Variants in DLGAP2 observed in about 807,000 individuals in gnomAD.
The protein encoded by DLGAP2 is DLG associated protein 2, also known as disks large-associated protein 2.
Under a neutral mutation model 100.3 loss-of-function variants are expected in DLGAP2, and 26 were observed. That is an observed-to-expected ratio of 0.26 (90% CI 0.19 to 0.36). The LOEUF (loss-of-function observed/expected upper bound fraction) is 0.36. Ranked by LOEUF, DLGAP2 falls within the 10% of genes least tolerant of loss-of-function variation. DLGAP2 has a pLI of 1.00. For missense variants in DLGAP2, 1,858 were observed against 1,453.2 expected (o/e 1.28, Z -4.53); for synonymous variants, 886 against 630.1 (o/e 1.41, Z -6.08).
intron 1 of DLGAP2, among the ~76,000 whole-genome samples, chr8:770,650 G>A (rs777413711): frequency 6.6e-5 from 10 of 152,100 alleles, no homozygotes; most frequent in East Asian, 1.9e-4. Context: ...ATTCGGTGGC[G>A]TCTCTCCTTC....
At chr8:1,370,992 TAA>T (rs1270343561) in intron 3 of DLGAP2, among the ~76,000 whole-genome samples, 3 of 152,270 alleles carry the variant, frequency 2.0e-5, no homozygotes, top group Non-Finnish European at 4.4e-5. Context: ...CCATGGATAG[TAA>T]GTAGTTTATG....
At position 737,823 on chromosome 8, in the gene DLGAP2, A is replaced by C. The variant is rs1820357654; in HGVS notation, c.16A>C (p.Lys6Gln). Residue 6 changes from lysine to glutamine, a missense_variant and splice_region_variant, in exon 1 of 15, where the codon AAG becomes CAG. Coordinates refer to ENST00000637795, the MANE Select transcript of DLGAP2 (RefSeq NM_001346810.2). The part of the protein sequence containing the change: MSALR[K>Q]VLPGILQKHC... Reference sequence around the variant, plus strand: ...GCGTCCGAGGATGTCCGCGCTGAGGAAGGTGCGAGCCGCCGGGGGCTGCCG... The same window carrying C: ...GCGTCCGAGGATGTCCGCGCTGAGGCAGGTGCGAGCCGCCGGGGGCTGCCG... The C allele has an allele frequency of 2.6e-6, 1 of 378,950 alleles. No individual in the cohort carries two copies. Among genetic ancestry groups the C allele is most frequent in the African/African-American group, 2.1e-5 (1 of 47,640 alleles). The allele number at this position is 378,950 out of a possible 1,614,324, so 23.5% of individuals were successfully genotyped here. A position where few individuals can be genotyped will look rare whatever the true frequency, so the allele number is the denominator to read the frequency against.
In DLGAP2 at chr8:1,465,650, G is replaced by A. The variant is rs145162748; in HGVS notation, c.107-35716G>A. On this transcript the variant is annotated intron_variant, in intron 3 of 14. Transcript: ENST00000637795. Reference sequence around the variant, plus strand: ...AAAACCCCGATCCCAGTGCTAGGGCGTTTTGTGGAGACTCCACTGGATGGG... The same window carrying A: ...AAAACCCCGATCCCAGTGCTAGGGCATTTTGTGGAGACTCCACTGGATGGG... Among the ~76,000 whole-genome samples, 12 of 152,344 alleles carry A rather than the reference G, an allele frequency of 7.9e-5. No individual in the cohort carries two copies. In the East Asian group the frequency reaches 2.1e-3, roughly 27 times the overall value.
chr8:1,487,612 G>A lies in DLGAP2; in HGVS notation c.107-13754G>A, dbSNP rs2108125. On this transcript the variant is annotated intron_variant, in intron 3 of 14. Transcript: ENST00000637795. ...GTTGTCCGTCTAACCCAGATAACAC[G>A]AGTCACTCTCCCTGTACATGTGTCT... Among the ~76,000 whole-genome samples the A allele has an allele frequency of 7.9e-3, 1,198 of 152,216 alleles. 14 individuals carry two copies. The highest frequency in any genetic ancestry group is 0.027 in the African/African-American group (1,127 of 41,542).
At chr8:1,028,130 G>A (rs1801865794) in intron 2 of DLGAP2, among the ~76,000 whole-genome samples, 3 of 137,468 alleles carry the variant, frequency 2.2e-5, no homozygotes, top group Non-Finnish European at 4.7e-5. Flanking sequence ...CAGGTGGGGT[G>A]TCACGCGCCC....
chr8:1,412,852 C>T (rs1796772746), intron 3 of DLGAP2, among the ~76,000 whole-genome samples: 1 of 146,754 alleles, frequency 6.8e-6, no homozygotes, highest in African/African-American at 2.6e-5. Context: ...GGGCCACCTG[C>T]ATTTCCTGAG....
intron 3 of DLGAP2, among the ~76,000 whole-genome samples, chr8:1,415,149 C>G (rs979263738): frequency 2.0e-5 from 3 of 152,242 alleles, no homozygotes; most frequent in African/African-American, 7.2e-5. Context: ...CACATGCGTA[C>G]AAACAGGCAA....
chr8:1,232,922 C>G (rs1270083974), intron 2 of DLGAP2, among the ~76,000 whole-genome samples: 1 of 152,218 alleles, frequency 6.6e-6, no homozygotes, highest in African/African-American at 2.4e-5. Flanking sequence ...TTAGTAACCA[C>G]TCCCATTCTA....
chr8:1,418,803 C>T (rs746243796), intron 3 of DLGAP2, among the ~76,000 whole-genome samples: 3 of 152,222 alleles, frequency 2.0e-5, no homozygotes, highest in African/African-American at 4.8e-5. Flanking sequence ...CCCTCAGACC[C>T]CGCAGGTTAA....
At chr8:1,643,704 G>C (rs1188276967) in intron 8 of DLGAP2, among the ~76,000 whole-genome samples, 9 of 68 alleles carry the variant, frequency 0.13, 2 homozygotes, top group African/African-American at 0.21. Flanking sequence ...TGTCACCCTC[G>C]ACCCCGCCGG....
intron 3 of DLGAP2, among the ~76,000 whole-genome samples, chr8:1,384,626 C>G (rs1796173945): frequency 7.0e-6 from 1 of 143,398 alleles, no homozygotes; most frequent in Non-Finnish European, 1.5e-5. Flanking sequence ...ACAGTTACCC[C>G]GGCCTGTGCC....
chr8:1,432,001 G>T (rs1584895143), intron 3 of DLGAP2, among the ~76,000 whole-genome samples: 1 of 148,946 alleles, frequency 6.7e-6, no homozygotes, highest in Non-Finnish European at 1.5e-5. Context: ...CCGGCACCCA[G>T]CACCCCATGC....
chr8:1,281,504 C>T (rs1478983134), intron 3 of DLGAP2, among the ~76,000 whole-genome samples: 2 of 152,180 alleles, frequency 1.3e-5, no homozygotes, highest in Non-Finnish European at 2.9e-5. Flanking sequence ...TCAGCCCCGG[C>T]GGAGACAGCC....
chr8:1,075,055 G>A (rs1203614940), intron 2 of DLGAP2, among the ~76,000 whole-genome samples: 1 of 152,112 alleles, frequency 6.6e-6, no homozygotes, highest in African/African-American at 2.4e-5. Flanking sequence ...ACAGTGCAGC[G>A]GGGGGTGGGG....
Position 1,318,879 on chromosome 8 carries a change from A to G in DLGAP2, c.106+59996A>G, listed in dbSNP as rs1207283166. ...AAGGCAGAGTTAATGATGTCCTTTC[A>G]CCACTTAGAAGGGTCCAGTGGGTCC... On this transcript the variant is annotated intron_variant, in intron 3 of 14. Coordinates refer to ENST00000637795, the MANE Select transcript of DLGAP2 (RefSeq NM_001346810.2). Among the ~76,000 whole-genome samples the G allele has an allele frequency of 2.1e-5, 3 of 141,844 alleles. No homozygotes were observed. In the Admixed American group the frequency reaches 2.3e-4, roughly 11 times the overall value. The allele number at this position is 141,844 out of a possible 152,430, so 93.1% of individuals were successfully genotyped here. A position where few individuals can be genotyped will look rare whatever the true frequency, so the allele number is the denominator to read the frequency against.
At chr8:888,281 T>C (rs934311327) in intron 1 of DLGAP2, among the ~76,000 whole-genome samples, 1 of 152,224 alleles carries the variant, frequency 6.6e-6, no homozygotes, top group South Asian at 2.1e-4. Flanking sequence ...GCAATTCCTC[T>C]AACCTTTTAT....
intron 2 of DLGAP2, among the ~76,000 whole-genome samples, chr8:1,242,356 C>T (rs890360853): frequency 2.6e-5 from 4 of 152,220 alleles, no homozygotes; most frequent in African/African-American, 7.2e-5. Flanking sequence ...ATTACCTGCT[C>T]ATGGCTAGAA....
At chr8:1,038,916 C>G (rs1802212491) in intron 2 of DLGAP2, among the ~76,000 whole-genome samples, 1 of 152,160 alleles carries the variant, frequency 6.6e-6, no homozygotes, top group Admixed American at 6.5e-5. Flanking sequence ...TCTCGGGTAA[C>G]CCATCCATTT....
chr8:1,265,668 G>A (rs920502594), intron 3 of DLGAP2, among the ~76,000 whole-genome samples: 16 of 152,164 alleles, frequency 1.1e-4, no homozygotes, highest in African/African-American at 3.9e-4. Context: ...TGAAACCACG[G>A]AATAGGAGAC....
Sources: allele counts gnomAD v4.1 joint callset (sites outside exome capture counted in the v4.1 genomes callset), GRCh38; gene constraint gnomAD v4.1.1; transcripts MANE v1.5; gene names NCBI Gene and HGNC (gene_info 2026-07-23, HGNC 2026-07-21).